Variants in FSTL4 observed in about 807,000 individuals in gnomAD.
FSTL4 encodes the protein follistatin like 4.
In FSTL4, 28 loss-of-function variants were observed where a neutral mutation model predicts 78.2. The observed-to-expected ratio is 0.36, with a 90% CI of 0.27 to 0.49. FSTL4 has a LOEUF of 0.49. FSTL4 is among the 20% of genes least tolerant of loss of function. The pLI is 0.98. For synonymous variants in FSTL4, 422 were observed against 440.5 expected, an observed-to-expected ratio of 0.96 and a Z score of 0.53; for missense variants, 922 against 1,084.9, an observed-to-expected ratio of 0.85 and a Z score of 2.11.
At position 133,271,369 on chromosome 5, in the gene FSTL4, T is replaced by C. The variant is rs550247853; in HGVS notation, c.728-21793A>G. Among the ~76,000 whole-genome samples the C allele has an allele frequency of 6.6e-5, 10 of 152,346 alleles. No homozygotes were observed. In the East Asian group the frequency reaches 1.7e-3, roughly 26 times the overall value. On this transcript the variant is annotated intron_variant, in intron 6 of 15. Coordinates refer to ENST00000265342, the MANE Select transcript of FSTL4 (RefSeq NM_015082.2). ...GATCAGCACTTTGGTTTGGGGAATATATTTTCATTTGAGAAGATGCCTCTG... is the reference window on the plus strand; with the variant it reads ...GATCAGCACTTTGGTTTGGGGAATACATTTTCATTTGAGAAGATGCCTCTG...
intron 4 of FSTL4, among the ~76,000 whole-genome samples, chr5:133,365,030 C>G (rs1755155642): frequency 6.6e-6 from 1 of 152,098 alleles, no homozygotes; most frequent in African/African-American, 2.4e-5. Context: ...GTGGAAAGCC[C>G]TCAGAAAGCC....
intron 3 of FSTL4, among the ~76,000 whole-genome samples, chr5:133,520,642 A>G (rs1012706732): frequency 6.6e-6 from 1 of 151,932 alleles, no homozygotes; most frequent in African/African-American, 2.4e-5. Flanking sequence ...AAGGCAGGGG[A>G]GGGTGAAGAG....
intron 8 of FSTL4, among the ~76,000 whole-genome samples, chr5:133,226,414 G>T (rs140394538): frequency 6.6e-6 from 1 of 152,118 alleles, no homozygotes; most frequent in Admixed American, 6.5e-5. Context: ...TTGGGGGTGT[G>T]AGCCTGCCCA....
At chr5:133,631,151 G>A in the FSTL4 span, among the ~76,000 whole-genome samples, 30,770 of 151,982 alleles carry the variant, frequency 0.2, 3,568 homozygotes, top group African/African-American at 0.31. Context: ...GGCAAATGGG[G>A]TCTAATTAAA....
At chr5:133,447,062 T>C (rs1390386328) in intron 3 of FSTL4, among the ~76,000 whole-genome samples, 1 of 152,158 alleles carries the variant, frequency 6.6e-6, no homozygotes, top group African/African-American at 2.4e-5. Context: ...CTGCCGATGC[T>C]CTGAGGCCAC....
intron 3 of FSTL4, among the ~76,000 whole-genome samples, chr5:133,473,037 C>T (rs1187901098): frequency 1.3e-5 from 2 of 152,220 alleles, no homozygotes; most frequent in Non-Finnish European, 2.9e-5. Flanking sequence ...GTGACTCCTG[C>T]AGGGTTTATC....
chr5:133,282,445 T>G (rs2034707909), intron 6 of FSTL4, among the ~76,000 whole-genome samples: 2 of 152,240 alleles, frequency 1.3e-5, no homozygotes, highest in South Asian at 4.1e-4. Flanking sequence ...GTTGCATTGT[T>G]GAGTTCCAAT....
At chr5:133,255,419 C>T (rs1439621561) in intron 6 of FSTL4, among the ~76,000 whole-genome samples, 1 of 152,222 alleles carries the variant, frequency 6.6e-6, no homozygotes, top group Admixed American at 6.5e-5. Flanking sequence ...AAGCTCAGGG[C>T]TTCCCATGAT....
intron 3 of FSTL4, among the ~76,000 whole-genome samples, chr5:133,481,292 G>C (rs1224525996): frequency 6.6e-6 from 1 of 152,182 alleles, no homozygotes; most frequent in Non-Finnish European, 1.5e-5. Context: ...TGTAATCCCA[G>C]CACTTGGGGA....
intron 4 of FSTL4, among the ~76,000 whole-genome samples, chr5:133,374,167 T>G (rs780127495): frequency 1.7e-4 from 26 of 152,232 alleles, no homozygotes; most frequent in Non-Finnish European, 3.4e-4. Context: ...CTCCTCCAAC[T>G]GCCCACACTC....
At chr5:133,223,052 T>G (rs1751200817) in intron 11 of FSTL4, among the ~76,000 whole-genome samples, 1 of 152,248 alleles carries the variant, frequency 6.6e-6, no homozygotes, top group Non-Finnish European at 1.5e-5. Context: ...CCATGGGGCC[T>G]CTTGCATTCG....
intron 2 of FSTL4, among the ~76,000 whole-genome samples, chr5:133,589,823 T>C (rs35564940): frequency 6.6e-6 from 1 of 152,156 alleles, no homozygotes; most frequent in African/African-American, 2.4e-5. Flanking sequence ...TAGGAATACA[T>C]GCTAGATAGT....
chr5:133,758,473 T>C, the FSTL4 span, among the ~76,000 whole-genome samples: 10 of 152,162 alleles, frequency 6.6e-5, no homozygotes, highest in Non-Finnish European at 1.5e-4. Flanking sequence ...TCTATGTTCC[T>C]GGCCAAGAAG....
the FSTL4 span, among the ~76,000 whole-genome samples, chr5:133,687,362 A>C: frequency 6.6e-6 from 1 of 152,336 alleles, no homozygotes; most frequent in Middle Eastern, 3.4e-3. Context: ...AGCCCCTCTT[A>C]TCTGCCAAAC....
intron 3 of FSTL4, among the ~76,000 whole-genome samples, chr5:133,486,716 C>T (rs1354624719): frequency 6.6e-6 from 1 of 152,164 alleles, no homozygotes; most frequent in Non-Finnish European, 1.5e-5. Context: ...AGCTCCTGGT[C>T]TGAAGTGATG....
At chr5:133,302,763 G>A (rs760953070) in intron 6 of FSTL4, among the ~76,000 whole-genome samples, 2 of 152,244 alleles carry the variant, frequency 1.3e-5, no homozygotes, top group East Asian at 1.9e-4. Context: ...CATGCCACAC[G>A]TGGGCAACAG....
chr5:133,473,159 A>G (rs1757858921), intron 3 of FSTL4, among the ~76,000 whole-genome samples: 1 of 152,116 alleles, frequency 6.6e-6, no homozygotes. Context: ...TGCCTGTCCA[A>G]TGTGTTCTAA....
chr5:133,558,316 G>A (rs1471519135), intron 3 of FSTL4, among the ~76,000 whole-genome samples: 1 of 152,140 alleles, frequency 6.6e-6, no homozygotes, highest in Non-Finnish European at 1.5e-5. Flanking sequence ...TGTTTTTGAG[G>A]CACTGATGAG....
chr5:133,298,882 A>C (rs1305898548), intron 6 of FSTL4, among the ~76,000 whole-genome samples: 1 of 152,212 alleles, frequency 6.6e-6, no homozygotes, highest in African/African-American at 2.4e-5. Flanking sequence ...CTTTGGTGAG[A>C]CTGAGGCCCC....
Sources: gnomAD v4.1 joint callset for allele counts (sites outside exome capture counted in the v4.1 genomes callset) on GRCh38, gnomAD v4.1.1 for gene constraint, MANE v1.5 for transcripts, NCBI Gene and HGNC (gene_info 2026-07-23, HGNC 2026-07-21) for gene names.